DROSHA: variants seen among roughly 807,000 people sequenced by gnomAD.
DROSHA encodes the protein ribonuclease 3.
A neutral mutation model predicts 181.9 loss-of-function variants in DROSHA; 56 were observed. That is an observed-to-expected ratio of 0.31 (90% CI 0.25 to 0.38). DROSHA has a LOEUF of 0.38. DROSHA is among the 10% of genes least tolerant of loss of function. DROSHA has a pLI of 1.00. For synonymous variants in DROSHA, 524 were observed against 591.2 expected (o/e 0.89, Z 1.65); for missense variants, 1,218 against 1,743.5 (o/e 0.70, Z 5.37).
rs1741348960 is a variant in DROSHA at position 31,411,820 on chromosome 5, T to C, written c.3526-933A>G. On this transcript the variant is annotated intron_variant, in intron 30 of 35. Transcript: ENST00000344624. This position sits in a 1 kb window ranked among gnomAD's most constrained non-coding sequence, Gnocchi z 4.2. ...TTTTGTATTTTTTGTAGAGACAGGG[T>C]TTCACCATGTTGCCTAGGCTGGTCT... Among the ~76,000 whole-genome samples, 1 of 152,114 alleles carries C rather than the reference T, an allele frequency of 6.6e-6. No homozygotes were observed. The highest frequency in any genetic ancestry group is 2.1e-4 in the South Asian group (1 of 4,826).
chr5:31,406,906 G>GT lies in DROSHA; in HGVS notation c.3893dup (p.Tyr1298Ter). Residue 1298 changes from tyrosine (Y) to a stop codon, truncating the protein, a stop_gained and frameshift_variant, in exon 34 of 36, where the codon TAC becomes TAAC. Transcript: ENST00000344624. LOFTEE classifies it high-confidence loss of function. Reference protein sequence around the residue: ...QTVGPSHARTYTVAVYFKGER... With the variant: ...QTVGPSHART Reference sequence around the variant, plus strand: ...CTCCCTTGAAATAAACAGCCACAGTGTAGGTTCGGGCATGGGATGGGCCCA... The same window carrying GT: ...CTCCCTTGAAATAAACAGCCACAGTGTTAGGTTCGGGCATGGGATGGGCCCA... The GT allele has an allele frequency of 6.2e-7, 1 of 1,613,814 alleles. No homozygotes were observed. The highest frequency in any genetic ancestry group is 8.5e-7 in the Non-Finnish European group (1 of 1,179,754).
intron 23 of DROSHA, among the ~76,000 whole-genome samples, chr5:31,443,050 T>C (rs915959517): frequency 1.1e-4 from 17 of 151,752 alleles, no homozygotes; most frequent in Non-Finnish European, 2.5e-4. Flanking sequence ...AGATTTTTTT[T>C]TTTTTTTGAG....
intron 16 of DROSHA, among the ~76,000 whole-genome samples, chr5:31,476,167 C>T (rs1750347226): frequency 1.3e-5 from 2 of 152,170 alleles, no homozygotes; most frequent in South Asian, 2.1e-4. Context: ...GAGTTCGAGA[C>T]CACCCTGGCC....
chr5:31,528,645 A>AT, intron 4 of DROSHA, among the ~76,000 whole-genome samples: 1 of 152,174 alleles, frequency 6.6e-6, no homozygotes, highest in East Asian at 1.9e-4. Context: ...GGCTATTATA[A>AT]TAATATCCTT....
At position 31,406,502 on chromosome 5, in the gene DROSHA, TAAATA is replaced by T. The variant is rs138066179; in HGVS notation, c.3947+346_3947+350del. ...GAGACTCTGTCTCCAAAAAAAAAAATAAATAAAAGTCTAATGGTCGTGTCATGTGC... is the reference window on the plus strand; with the variant it reads ...GAGACTCTGTCTCCAAAAAAAAAAATAAAGTCTAATGGTCGTGTCATGTGC... On this transcript the variant is annotated intron_variant, in intron 34 of 35. Coordinates refer to ENST00000344624, the MANE Select transcript of DROSHA (RefSeq NM_001382508.1). Among the ~76,000 whole-genome samples, 371 of 151,320 alleles carry T rather than the reference TAAATA, an allele frequency of 2.5e-3. 4 individuals carry two copies. The highest frequency in any genetic ancestry group is 0.01 in the Middle Eastern group (3 of 294).
intron 16 of DROSHA, 77 bp from the exon 17 acceptor site, chr5:31,472,309 G>GA (rs901516348): frequency 4.4e-5 from 63 of 1,442,384 alleles, no homozygotes; most frequent in Admixed American, 2.8e-4. Flanking sequence ...ACTGAATAAG[G>GA]AAAAAAACAA....
intron 20 of DROSHA, among the ~76,000 whole-genome samples, chr5:31,457,793 G>A: frequency 6.6e-6 from 1 of 152,122 alleles, no homozygotes; most frequent in East Asian, 1.9e-4. Context: ...GGGAGGCTGA[G>A]GTGGGAGGAT....
chr5:31,406,688 A>G (rs879668383), intron 34 of DROSHA, among the ~76,000 whole-genome samples, 165 bp downstream of exon 34: 5 of 152,172 alleles, frequency 3.3e-5, no homozygotes, highest in Admixed American at 1.3e-4. Context: ...GCTTTGAGAC[A>G]ATTAATGTGG....
chr5:31,460,570 G>C (rs541011363), intron 20 of DROSHA, among the ~76,000 whole-genome samples: 2 of 152,154 alleles, frequency 1.3e-5, no homozygotes, highest in African/African-American at 4.8e-5. Context: ...AAAACAGTAG[G>C]TTCTATATCA....
intron 8 of DROSHA, among the ~76,000 whole-genome samples, 192 bp from the exon 9 acceptor site, chr5:31,511,368 G>A (rs757334275): frequency 1.2e-4 from 19 of 152,076 alleles, no homozygotes; most frequent in Non-Finnish European, 2.5e-4. Context: ...CACACTTATC[G>A]CTGACACAGT....
chr5:31,501,579 C>T (rs1470125967), intron 11 of DROSHA, among the ~76,000 whole-genome samples: 6 of 152,068 alleles, frequency 3.9e-5, no homozygotes, highest in East Asian at 1.9e-4. Context: ...GGTCCTATCT[C>T]CAATTAATTC....
At position 31,526,490 on chromosome 5, in the gene DROSHA, G is replaced by A. The variant is rs749384962; in HGVS notation, c.443C>T (p.Pro148Leu). The A allele has an allele frequency of 2.5e-6, 4 of 1,593,998 alleles. No homozygotes were observed. The East Asian group carries it at 9.0e-5, about 36-fold the overall frequency. The change falls in exon 5 of 36, where the codon CCT becomes CTT. Residue 148 changes from proline (P) to leucine (L), a missense_variant. By Grantham distance (98) the Pro-to-Leu change is moderately conservative. Coordinates refer to ENST00000344624, the MANE Select transcript of DROSHA (RefSeq NM_001382508.1). ...GQGTFPFMMP[P>L]PSMPHPPPPP... ...GGGCGGGGGATGAGGCATGGAGGGA[G>A]GGGGCATCATGAAGGGGAAAGTGCC...
At chr5:31,528,211 T>C (rs1258522491) in intron 4 of DROSHA, among the ~76,000 whole-genome samples, 1 of 152,162 alleles carries the variant, frequency 6.6e-6, no homozygotes, top group African/African-American at 2.4e-5. Flanking sequence ...ACTGCTTCAA[T>C]TGACATCAAT....
At chr5:31,475,180 T>C (rs1228992561) in intron 16 of DROSHA, among the ~76,000 whole-genome samples, 1 of 152,038 alleles carries the variant, frequency 6.6e-6, no homozygotes, top group Non-Finnish European at 1.5e-5. Context: ...TAGCCAGGCA[T>C]GGTGGTACAC....
At chr5:31,458,599 C>A (rs1450225058) in intron 20 of DROSHA, among the ~76,000 whole-genome samples, 1 of 152,124 alleles carries the variant, frequency 6.6e-6, no homozygotes, top group Non-Finnish European at 1.5e-5. Flanking sequence ...ATGAAAATAT[C>A]TTGCAAAAAA....
intron 6 of DROSHA, among the ~76,000 whole-genome samples, chr5:31,516,993 G>C (rs937427479): frequency 5.9e-5 from 9 of 152,072 alleles, no homozygotes; most frequent in Admixed American, 5.9e-4. Context: ...TACTCGTTTA[G>C]ACTACCATCA....
At chr5:31,414,690 C>T (rs368105926) in intron 30 of DROSHA, among the ~76,000 whole-genome samples, 9 of 152,198 alleles carry the variant, frequency 5.9e-5, no homozygotes, top group African/African-American at 2.2e-4. Context: ...TTCACAACAG[C>T]ATCATCATAA....
At chr5:31,525,503 CAA>C (rs397970711) in intron 5 of DROSHA, among the ~76,000 whole-genome samples, 415 of 36,098 alleles carry the variant, frequency 0.011, 3 homozygotes, top group African/African-American at 0.034. Flanking sequence ...GATTCTGTCA[CAA>C]AAAAAAAAAA....
intron 16 of DROSHA, among the ~76,000 whole-genome samples, chr5:31,472,974 G>T (rs533123118): frequency 2.6e-5 from 4 of 152,338 alleles, no homozygotes; most frequent in African/African-American, 9.6e-5. Flanking sequence ...TTAATGTGGG[G>T]TCCACAGGCT....
Sources: allele counts gnomAD v4.1 joint callset (sites outside exome capture counted in the v4.1 genomes callset), GRCh38; gene constraint gnomAD v4.1.1; non-coding constraint Gnocchi (gnomAD v3.1); transcripts MANE v1.5; gene names NCBI Gene and HGNC (gene_info 2026-07-23, HGNC 2026-07-21).